RIC1: variants seen among roughly 807,000 people sequenced by gnomAD.
The protein encoded by RIC1 is guanine nucleotide exchange factor subunit RIC1.
Under a neutral mutation model 169.0 loss-of-function variants are expected in RIC1, and 88 were observed. That is an observed-to-expected ratio of 0.52 (90% CI 0.44 to 0.62). RIC1 has a LOEUF of 0.62. Among genes scored for constraint, RIC1 ranks in the 20% least tolerant of loss-of-function variants. The pLI, the probability that RIC1 is intolerant of heterozygous loss-of-function variation, is 0.00. For missense variants in RIC1, 1,877 were observed against 1,725.5 expected, an observed-to-expected ratio of 1.09 and a Z score of -1.56; for synonymous variants, 790 against 601.5, an observed-to-expected ratio of 1.31 and a Z score of -4.59.
At chr9:5,741,322 C>G (rs1432046499) in intron 8 of RIC1, among the ~76,000 whole-genome samples, 1 of 152,112 alleles carries the variant, frequency 6.6e-6, no homozygotes, top group Admixed American at 6.6e-5. Context: ...GTTTGTTTTT[C>G]AAATCCTGCT....
chr9:5,742,836 T>G (rs202171928), intron 8 of RIC1, 33 bp from the exon 9 acceptor site: 18 of 1,560,620 alleles, frequency 1.2e-5, no homozygotes, highest in Non-Finnish European at 1.6e-5. Flanking sequence ...AAGCAACTAT[T>G]TATTTTTAAC....
chr9:5,732,353 A>T (rs1286328083), intron 6 of RIC1, 35 bp from the exon 7 acceptor site: 1 of 1,502,458 alleles, frequency 6.7e-7, no homozygotes, highest in East Asian at 2.3e-5. Context: ...TTGGAGAAAC[A>T]CTTTTTAAGC....
At position 5,763,373 on chromosome 9, in the gene RIC1, G is replaced by C; in HGVS notation, c.2346G>C (p.Leu782=). The C allele has an allele frequency of 2.5e-6, 4 of 1,614,124 alleles. No homozygotes were observed. Among genetic ancestry groups the C allele is most frequent in the Non-Finnish European group, 3.4e-6 (4 of 1,180,024 alleles). ...TCAACATTTACCCGCTAGCTGTTCT[G>C]TTTGAAGATGCTTTAGTCCTTGGTG... ...FHINIYPLAV[L]FEDALVLGAV... is the part of the protein sequence containing the mutation. The change falls in exon 19 of 26, where the codon CTG becomes CTC. Residue 782 remains leucine (L), a synonymous_variant. Transcript: ENST00000414202. The surrounding 1 kb of genome is among the most constrained non-coding windows in gnomAD (Gnocchi z 5.2).
chr9:5,701,607 A>AG (rs1435150368), intron 3 of RIC1, among the ~76,000 whole-genome samples: 29 of 148,776 alleles, frequency 1.9e-4, no homozygotes, highest in Non-Finnish European at 1.9e-4. Flanking sequence ...AAAAAAAAAA[A>AG]GAAAAGTTCA....
intron 6 of RIC1, among the ~76,000 whole-genome samples, chr9:5,722,348 A>AGAGAGAGAGAGTGTGT (rs374028302): frequency 4.4e-4 from 58 of 131,326 alleles, no homozygotes; most frequent in Middle Eastern, 3.8e-3. Context: ...AGAGAGAGAG[A>AGAGAGAGAGAGTGTGT]GTGTGTGTGT....
chr9:5,732,137 A>G (rs1330653106), intron 6 of RIC1, among the ~76,000 whole-genome samples: 1 of 152,194 alleles, frequency 6.6e-6, no homozygotes. Flanking sequence ...TGTTTTTTAA[A>G]TAAATTAACT....
At position 5,702,690 on chromosome 9, in the gene RIC1, C is replaced by T. The variant is rs945331140; in HGVS notation, c.333-11206C>T. On this transcript the variant is annotated intron_variant, in intron 3 of 25. Transcript: ENST00000414202. ...AGTAGCTGGGACTACAGGCACACGC[C>T]GCCATGCCCGGCTAATTTTTTTTGT... Among the ~76,000 whole-genome samples the T allele has an allele frequency of 3.3e-5, 5 of 152,126 alleles. No homozygotes were observed. In the East Asian group the frequency reaches 7.7e-4, roughly 23 times the overall value.
rs1411708697 is a variant in RIC1, at chr9:5,775,776, TTTACA to T, written c.*1536_*1540del. 3 of 152,200 alleles carry T rather than the reference TTTACA, an allele frequency of 2.0e-5. No homozygotes were observed. Among genetic ancestry groups the T allele is most frequent in the Non-Finnish European group, 2.9e-5 (2 of 68,016 alleles). 9.4% of individuals were successfully genotyped at this position (152,200 alleles called of 1,614,324 possible). A position where few individuals can be genotyped will look rare whatever the true frequency, so the allele number is the denominator to read the frequency against. On this transcript the variant is annotated 3_prime_UTR_variant, in exon 26 of 26. Coordinates refer to ENST00000414202, the MANE Select transcript of RIC1 (RefSeq NM_020829.4). ...TTGGGTAATTTACTATCATTTACTT[TTTACA>T]TTACAAGTGCAATAATATTTCACAA...
chr9:5,682,475 T>C (rs1820913621), intron 2 of RIC1, among the ~76,000 whole-genome samples: 1 of 152,196 alleles, frequency 6.6e-6, no homozygotes, highest in African/African-American at 2.4e-5. Flanking sequence ...TTAAGAATGT[T>C]GAATATTGGC....
chr9:5,699,878 C>T (rs990124061), intron 3 of RIC1, among the ~76,000 whole-genome samples: 5 of 152,052 alleles, frequency 3.3e-5, no homozygotes, highest in Non-Finnish European at 7.4e-5. Context: ...GTAAATAAGA[C>T]AAATTGTCTA....
At position 5,757,356 on chromosome 9, in the gene RIC1, A is replaced by G. The variant is rs759308309; in HGVS notation, c.1897A>G (p.Met633Val). 2.5e-6 allele frequency: 4 copies of G among 1,614,092 alleles called. No homozygotes were observed. Among genetic ancestry groups the G allele is most frequent in the Non-Finnish European group, 3.4e-6 (4 of 1,179,950 alleles). ...TATTCAAGTTCTTCAGGAGGTTTCC[A>G]TGTCACGCTACATTCCTCACCCTTT... ...AGIQVLQEVS[M>V]SRYIPHPFLV... Residue 633 changes from methionine to valine, a missense_variant, in exon 17 of 26, where the codon ATG (methionine) becomes GTG (valine). Transcript: ENST00000414202.
chr9:5,648,465 AAC>A (rs1818640946), intron 1 of RIC1, among the ~76,000 whole-genome samples: 2 of 152,184 alleles, frequency 1.3e-5, no homozygotes, highest in African/African-American at 4.8e-5. Context: ...TGCTAATGTT[AAC>A]AGTGTGGCTA....
chr9:5,757,461 C>T lies in RIC1; in HGVS notation c.1992+10C>T, dbSNP rs747314475. The T allele has an allele frequency of 6.2e-7, 1 of 1,613,688 alleles. No individual in the cohort carries two copies. The highest frequency in any genetic ancestry group is 8.5e-7 in the Non-Finnish European group (1 of 1,179,696). ...GAAAATGCCACAGCAGGTACCACTCCATTATCAAAGGTCTTTGGAGTTTAC... is the reference window on the plus strand; with the variant it reads ...GAAAATGCCACAGCAGGTACCACTCTATTATCAAAGGTCTTTGGAGTTTAC... On this transcript the variant is annotated intron_variant, in intron 17 of 25. Coordinates refer to ENST00000414202, the MANE Select transcript of RIC1 (RefSeq NM_020829.4).
chr9:5,741,422 A>C (rs1044830436), intron 8 of RIC1, among the ~76,000 whole-genome samples: 1 of 152,148 alleles, frequency 6.6e-6, no homozygotes, highest in African/African-American at 2.4e-5. Context: ...CCTCTCCCCT[A>C]ATCTATTTTC....
intron 2 of RIC1, among the ~76,000 whole-genome samples, chr9:5,686,521 A>G (rs201393096): frequency 3.3e-5 from 5 of 151,634 alleles, no homozygotes; most frequent in East Asian, 1.9e-4. Context: ...GTAAACTATC[A>G]CAAGAACAAA....
At chr9:5,743,922 C>T (rs1825227977) in intron 10 of RIC1, among the ~76,000 whole-genome samples, 185 bp downstream of exon 10, 1 of 152,214 alleles carries the variant, frequency 6.6e-6, no homozygotes, top group Admixed American at 6.5e-5. Flanking sequence ...CCTCAAGCTT[C>T]CAAGTAGCTG....
intron 3 of RIC1, among the ~76,000 whole-genome samples, chr9:5,699,610 T>C (rs1330415462): frequency 1.3e-5 from 2 of 152,156 alleles, no homozygotes; most frequent in Non-Finnish European, 2.9e-5. Flanking sequence ...AAGGGCAACC[T>C]AGTGTCTCTA....
chr9:5,650,232 G>C (rs1206226455), intron 1 of RIC1, among the ~76,000 whole-genome samples: 1 of 152,146 alleles, frequency 6.6e-6, no homozygotes, highest in Non-Finnish European at 1.5e-5. Context: ...TCCCTGGGCA[G>C]TGCATGTGGT....
chr9:5,656,692 T>A lies in RIC1; in HGVS notation c.252+2T>A. 1 of 1,537,206 alleles carries A rather than the reference T, an allele frequency of 6.5e-7. No homozygotes were observed. Among genetic ancestry groups the A allele is most frequent in the Non-Finnish European group, 8.9e-7 (1 of 1,118,148 alleles). ...GATAGTACCATGATAGCTGTATCAGTAAGTAGATTTTACCGCTAAATAGTG... is the reference window on the plus strand; with the variant it reads ...GATAGTACCATGATAGCTGTATCAGAAAGTAGATTTTACCGCTAAATAGTG... On this transcript the variant is annotated splice_donor_variant, in intron 2 of 25. Coordinates refer to ENST00000414202, the MANE Select transcript of RIC1 (RefSeq NM_020829.4). LOFTEE classifies it high-confidence loss of function.
Sources: gnomAD v4.1 joint callset for allele counts (sites outside exome capture counted in the v4.1 genomes callset) on GRCh38, gnomAD v4.1.1 for gene constraint, Gnocchi (gnomAD v3.1) non-coding constraint, MANE v1.5 for transcripts, NCBI Gene and HGNC (gene_info 2026-07-23, HGNC 2026-07-21) for gene names.